Variants in LIMCH1 observed in about 807,000 individuals in gnomAD.
LIMCH1 encodes the protein LIM and calponin homology domains-containing protein 1.
In LIMCH1, 113 loss-of-function variants were observed where a neutral mutation model predicts 176.5. The observed-to-expected ratio is 0.64, with a 90% CI of 0.55 to 0.75. The LOEUF (loss-of-function observed/expected upper bound fraction) is 0.75, where lower values mean the gene tolerates loss of function less well. LIMCH1 is among the 30% of genes least tolerant of loss of function. The probability of loss-of-function intolerance (pLI) is 0.00; values close to 1 mark genes in which losing one functional copy is unlikely to be tolerated. For synonymous variants in LIMCH1, 619 were observed against 645.9 expected (o/e 0.96, Z 0.63); for missense variants, 1,674 against 1,814.9 (o/e 0.92, Z 1.41).
At chr4:41,621,394 A>G (rs756328542) in intron 7 of LIMCH1, among the ~76,000 whole-genome samples, 10 of 152,242 alleles carry the variant, frequency 6.6e-5, no homozygotes, top group Non-Finnish European at 1.2e-4. Context: ...TTCTTATAAA[A>G]TAACCACAAT....
chr4:41,374,995 A>G (rs149932296), intron 1 of LIMCH1, among the ~76,000 whole-genome samples: 1 of 152,342 alleles, frequency 6.6e-6, no homozygotes, highest in East Asian at 1.9e-4. Flanking sequence ...GTCCGTCCCT[A>G]TCAAAGATGC....
chr4:41,566,021 G>A (rs2082721024), intron 1 of LIMCH1, among the ~76,000 whole-genome samples: 1 of 152,076 alleles, frequency 6.6e-6, no homozygotes. Flanking sequence ...ACTTGTCCAC[G>A]ATCACAAAAT....
At chr4:41,378,711 G>A (rs960274663) in intron 1 of LIMCH1, among the ~76,000 whole-genome samples, 2 of 152,172 alleles carry the variant, frequency 1.3e-5, no homozygotes, top group African/African-American at 2.4e-5. Flanking sequence ...TGTGAGAGAT[G>A]TTAAAGGTGT....
At chr4:41,526,984 G>A (rs1365565218) in intron 3 of LIMCH1, among the ~76,000 whole-genome samples, 1 of 152,166 alleles carries the variant, frequency 6.6e-6, no homozygotes, top group African/African-American at 2.4e-5. Flanking sequence ...CTTTTCTTGT[G>A]ATATGTGTTA....
chr4:41,681,173 T>G, intron 25 of LIMCH1, 114 bp downstream of exon 25: 3 of 593,560 alleles, frequency 5.1e-6, no homozygotes, highest in Non-Finnish European at 9.2e-6. Flanking sequence ...AGACTAGCTA[T>G]TCCCCTAGAA....
intron 1 of LIMCH1, among the ~76,000 whole-genome samples, chr4:41,417,540 G>A (rs1337389711): frequency 6.6e-6 from 1 of 152,208 alleles, no homozygotes; most frequent in Non-Finnish European, 1.5e-5. Context: ...CTTTCTACAG[G>A]GAGTCAGTGT....
intron 1 of LIMCH1, among the ~76,000 whole-genome samples, chr4:41,372,200 C>A (rs1384663931): frequency 6.6e-6 from 1 of 152,096 alleles, no homozygotes; most frequent in Non-Finnish European, 1.5e-5. Flanking sequence ...GCGCTCTTGC[C>A]CCCCACCTTT....
intron 1 of LIMCH1, among the ~76,000 whole-genome samples, chr4:41,541,627 A>T (rs998703721): frequency 1.1e-4 from 16 of 152,248 alleles, no homozygotes; most frequent in Admixed American, 1.0e-3. Context: ...AATGTGAATT[A>T]TAGAACAGGA....
chr4:41,389,075 A>T (rs980456048), intron 1 of LIMCH1: 1 of 152,306 alleles, frequency 6.6e-6, no homozygotes, highest in Non-Finnish European at 1.5e-5. Context: ...TTCTTTGGTC[A>T]TCTCATATCC....
chr4:41,391,201 T>C (rs1400018272), intron 1 of LIMCH1, among the ~76,000 whole-genome samples: 1 of 152,220 alleles, frequency 6.6e-6, no homozygotes, highest in Admixed American at 6.5e-5. Flanking sequence ...TCCTGCCATA[T>C]TGGAAAAATA....
In LIMCH1 at chr4:41,626,705, C is replaced by A; in HGVS notation, c.726-3C>A. 1 of 1,533,272 alleles carries A rather than the reference C, an allele frequency of 6.5e-7. No homozygotes were observed. The highest frequency in any genetic ancestry group is 1.2e-5 in the South Asian group (1 of 83,962). The allele number at this position is 1,533,272 out of a possible 1,614,324, so 95.0% of individuals were successfully genotyped here. A position where few individuals can be genotyped will look rare whatever the true frequency, so the allele number is the denominator to read the frequency against. On this transcript the variant is annotated splice_region_variant and splice_polypyrimidine_tract_variant and intron_variant, in intron 7 of 31. Transcript: ENST00000503057. ...GGAGTCCCATTTAATTTTCCCCTAT[C>A]AGTCAAAAACAATTAAGTGAAGAGA...
At chr4:41,590,711 C>T (rs749900164) in intron 1 of LIMCH1, among the ~76,000 whole-genome samples, 1 of 152,182 alleles carries the variant, frequency 6.6e-6, no homozygotes, top group African/African-American at 2.4e-5. Context: ...CTGGGTCAAA[C>T]GTCCCCAGAA....
At chr4:41,573,444 T>G (rs1213536986) in intron 1 of LIMCH1, among the ~76,000 whole-genome samples, 1 of 152,246 alleles carries the variant, frequency 6.6e-6, no homozygotes, top group Non-Finnish European at 1.5e-5. Context: ...TGTATGTTGA[T>G]ATGTATGTAA....
chr4:41,459,298 T>C (rs1158097735), intron 1 of LIMCH1, among the ~76,000 whole-genome samples: 1 of 151,952 alleles, frequency 6.6e-6, no homozygotes, highest in Admixed American at 6.6e-5. Context: ...TCCCTCCCTC[T>C]GTCCCTTCCT....
chr4:41,649,718 T>C (rs1274154154), intron 17 of LIMCH1, among the ~76,000 whole-genome samples: 1 of 152,220 alleles, frequency 6.6e-6, no homozygotes, highest in East Asian at 1.9e-4. Flanking sequence ...TGCCTTTCAG[T>C]AAGCCAGGCT....
intron 1 of LIMCH1, among the ~76,000 whole-genome samples, chr4:41,567,473 A>G (rs2082924501): frequency 6.6e-6 from 1 of 152,216 alleles, no homozygotes; most frequent in Admixed American, 6.5e-5. Context: ...GACAAGGTCA[A>G]TAGTAGCAGC....
intron 1 of LIMCH1, among the ~76,000 whole-genome samples, chr4:41,446,138 T>C (rs1340317989): frequency 6.6e-6 from 1 of 152,134 alleles, no homozygotes; most frequent in Non-Finnish European, 1.5e-5. Context: ...GGAGGATGAT[T>C]GTCAACTGCA....
chr4:41,494,897 G>A (rs954475652), intron 2 of LIMCH1, among the ~76,000 whole-genome samples: 2 of 152,200 alleles, frequency 1.3e-5, no homozygotes, highest in African/African-American at 4.8e-5. Flanking sequence ...CCATGTAATT[G>A]TAAGGGTGGA....
chr4:41,502,752 A>G (rs1428512932), intron 2 of LIMCH1, among the ~76,000 whole-genome samples: 1 of 152,030 alleles, frequency 6.6e-6, no homozygotes, highest in Non-Finnish European at 1.5e-5. Context: ...TTAGGTCTAC[A>G]TTTAAAGATG....
Sources: allele counts gnomAD v4.1 joint callset (sites outside exome capture counted in the v4.1 genomes callset), GRCh38; gene constraint gnomAD v4.1.1; transcripts MANE v1.5; gene names NCBI Gene and HGNC (gene_info 2026-07-23, HGNC 2026-07-21).